The following HUWE1 variants were observed in gnomAD, a reference collection of about 807,000 sequenced individuals.
The protein encoded by HUWE1 is HECT, UBA and WWE domain containing E3 ubiquitin protein ligase 1.
HUWE1 carries 18 observed loss-of-function variants against 299.4 expected under a neutral mutation model. The ratio of observed to expected loss-of-function variants is 0.06; its 90% CI spans 0.04 to 0.09. The LOEUF (loss-of-function observed/expected upper bound fraction) is 0.09. Ranked by LOEUF, HUWE1 falls within the 10% of genes least tolerant of loss-of-function variation. The pLI, the probability that HUWE1 is intolerant of heterozygous loss-of-function variation, is 1.00. For missense variants in HUWE1, 1,832 were observed against 3,462.3 expected (o/e 0.53, Z 11.82); for synonymous variants, 1,317 against 1,286.1 (o/e 1.02, Z -0.51).
chrX:53,615,350 C>A (rs1434337412), intron 22 of HUWE1, among the ~76,000 whole-genome samples: 1 of 109,193 alleles, frequency 9.2e-6, no homozygotes. Flanking sequence ...GCCTCAGCCT[C>A]CAGAGTAGCT....
chrX:53,631,445 G>A lies in HUWE1; in HGVS notation c.731C>T (p.Thr244Ile), dbSNP rs782806297. Residue 244 changes from threonine to isoleucine, a missense_variant, in exon 11 of 84, where the codon ACC becomes ATC. Coordinates refer to ENST00000262854, the MANE Select transcript of HUWE1 (RefSeq NM_031407.7). ...ESPSEIMESL[T>I]KMYSIPKDKQ... ...ATCCTTAGGAATGCTGTACATTTTG[G>A]TAAGAGATTCCATGATTTCAGAAGG... 1 of 1,203,087 alleles carries A rather than the reference G, an allele frequency of 8.3e-7. No individual in the cohort carries two copies. The highest frequency in any genetic ancestry group is 1.1e-6 in the Non-Finnish European group (1 of 888,397).
At chrX:53,606,370 T>C (rs2065153674) in intron 25 of HUWE1, among the ~76,000 whole-genome samples, 1 of 112,441 alleles carries the variant, frequency 8.9e-6, no homozygotes. Context: ...ATGTTCATTA[T>C]CACTATGCAT....
At chrX:53,658,890 TG>T (rs2068870355) in intron 3 of HUWE1, among the ~76,000 whole-genome samples, 1 of 112,686 alleles carries the variant, frequency 8.9e-6, no homozygotes, top group Non-Finnish European at 1.9e-5. Context: ...GATTTAAAAA[TG>T]GGCCAATGGG....
intron 2 of HUWE1, chrX:53,684,131 G>A (rs1404426505): frequency 7.8e-6 from 2 of 256,725 alleles, no homozygotes; most frequent in Non-Finnish European, 1.4e-5. Context: ...GAAGCGAAAA[G>A]CAAATGACGC....
At chrX:53,534,254 G>A (rs376951101) in intron 82 of HUWE1, 57 bp from the exon 83 acceptor site, 34 of 1,009,398 alleles carry the variant, frequency 3.4e-5, no homozygotes, top group South Asian at 2.7e-4. Context: ...GAAGCAGGGT[G>A]GGGGGGATGG....
intron 42 of HUWE1, among the ~76,000 whole-genome samples, chrX:53,581,528 C>G (rs1055161655): frequency 2.7e-5 from 3 of 112,430 alleles, no homozygotes; most frequent in Non-Finnish European, 3.8e-5. Flanking sequence ...TATGCTTCTG[C>G]TCTTCTCATA....
rs963547946 is a variant in HUWE1, at chrX:53,533,169, G to T, written c.*140C>A. 4.7e-5 allele frequency: 23 copies of T among 487,796 alleles called. No homozygotes were observed. The highest frequency in any genetic ancestry group is 4.1e-4 in the African/African-American group (17 of 41,481). 40.2% of individuals were successfully genotyped at this position (487,796 alleles called of 1,213,427 possible). On this transcript the variant is annotated 3_prime_UTR_variant, in exon 84 of 84. Coordinates refer to ENST00000262854, the MANE Select transcript of HUWE1 (RefSeq NM_031407.7). ...GAACAGGTATGCGCTGGGGAAGATG[G>T]GGCAGCTGGGACACACACGGTGAGT...
intron 3 of HUWE1, among the ~76,000 whole-genome samples, chrX:53,655,189 A>G (rs1348928516): frequency 1.8e-5 from 2 of 111,231 alleles, no homozygotes; most frequent in African/African-American, 6.5e-5. Flanking sequence ...AGATTCTGCT[A>G]TTAACAATGT....
At position 53,545,025 on chromosome X, in the gene HUWE1, C is replaced by T. The variant is rs1454953095; in HGVS notation, c.11048+4G>A. The T allele has an allele frequency of 5.0e-6, 6 of 1,208,782 alleles. No individual in the cohort carries two copies. The highest frequency in any genetic ancestry group is 6.7e-6 in the Non-Finnish European group (6 of 894,438). ...CCCCCAGCCAAAGGGTGGCTACCACCCACCTGCTCTGCATTTTGCCCTTCA... is the reference window on the plus strand; with the variant it reads ...CCCCCAGCCAAAGGGTGGCTACCACTCACCTGCTCTGCATTTTGCCCTTCA... On this transcript the variant is annotated splice_donor_region_variant and intron_variant, in intron 71 of 83. Transcript: ENST00000262854.
intron 23 of HUWE1, among the ~76,000 whole-genome samples, chrX:53,613,704 C>A (rs2065626757): frequency 9.0e-6 from 1 of 111,362 alleles, no homozygotes; most frequent in Non-Finnish European, 1.9e-5. Context: ...AATTCCAAAG[C>A]CTTCTACTAA....
At position 53,549,914 on chromosome X, in the gene HUWE1, GACT is replaced by G. The variant is rs1359003323; in HGVS notation, c.9489-412_9489-410del. 2.4e-4 allele frequency among the ~76,000 whole-genome samples: 26 copies of G among 109,996 alleles called. 1 individual carries two copies. Among genetic ancestry groups the G allele is most frequent in the Admixed American group, 2.2e-3 (23 of 10,301 alleles). ...ATTACTAGTGCGCGCCACCACACCC[GACT>G]ACTTTTTGTATTTTTAGTAGAGATT... On this transcript the variant is annotated intron_variant, in intron 66 of 83. Coordinates refer to ENST00000262854, the MANE Select transcript of HUWE1 (RefSeq NM_031407.7).
intron 3 of HUWE1, among the ~76,000 whole-genome samples, chrX:53,670,917 G>C (rs1227313822): frequency 8.9e-6 from 1 of 112,124 alleles, no homozygotes; most frequent in East Asian, 2.7e-4. Flanking sequence ...ATACTCTTCT[G>C]ATTTATCAAG....
At chrX:53,642,781 T>C (rs1201559122) in intron 7 of HUWE1, among the ~76,000 whole-genome samples, 1 of 112,632 alleles carries the variant, frequency 8.9e-6, no homozygotes, top group Non-Finnish European at 1.9e-5. Context: ...GTTCTATAAA[T>C]TGCCTATCCA....
At chrX:53,586,625 G>T in intron 38 of HUWE1, 54 bp from the exon 39 acceptor site, 1 of 1,088,607 alleles carries the variant, frequency 9.2e-7, no homozygotes, top group Non-Finnish European at 1.3e-6. Context: ...CACAAATTGG[G>T]AAAATATATC....
Position 53,631,060 on chromosome X carries a change from T to C in HUWE1, c.763-26A>G, listed in dbSNP as rs782392977. 2.7e-5 allele frequency: 24 copies of C among 895,843 alleles called. No individual in the cohort carries two copies. The Admixed American group carries it at 5.3e-4, about 20-fold the overall frequency. The allele number at this position is 895,843 out of a possible 1,213,427, so 73.8% of individuals were successfully genotyped here. On this transcript the variant is annotated intron_variant, in intron 11 of 83. Transcript: ENST00000262854. ...CTGTAGAGAGATAAGACATACATTT[T>C]AAAAACATCAATGAAAAAGGTGAAT...
At chrX:53,541,589 G>A (rs1556918604) in intron 74 of HUWE1, among the ~76,000 whole-genome samples, 1 of 111,558 alleles carries the variant, frequency 9.0e-6, no homozygotes, top group African/African-American at 3.3e-5. Flanking sequence ...GCTAGACTCT[G>A]TGTCAAAAAA....
At position 53,583,738 on chromosome X, in the gene HUWE1, A is replaced by G; in HGVS notation, c.5340T>C (p.Arg1780=). ...GGTCCCGGGTGAGCCTCAGACAGAG[A>G]CGAAGGGTGGCATGCAAAGTATCTG... The part of the protein sequence containing the change: ...VDPDTLHATL[R]LCLRLTRDHK... Residue 1780 remains arginine (R), a synonymous_variant, in exon 42 of 84, where the codon CGT becomes CGC. Transcript: ENST00000262854. 8.3e-7 allele frequency: 1 copy of G among 1,211,141 alleles called. No individual in the cohort carries two copies. Among genetic ancestry groups the G allele is most frequent in the Non-Finnish European group, 1.1e-6 (1 of 895,368 alleles).
At chrX:53,653,608 T>G (rs2068603195) in intron 4 of HUWE1, among the ~76,000 whole-genome samples, 1 of 112,408 alleles carries the variant, frequency 8.9e-6, no homozygotes, top group Non-Finnish European at 1.9e-5. Context: ...AGCTGAATTG[T>G]GTGATTAAGA....
chrX:53,613,097 G>A (rs917975692), intron 23 of HUWE1, among the ~76,000 whole-genome samples: 11 of 111,175 alleles, frequency 9.9e-5, no homozygotes, highest in African/African-American at 3.3e-4. Flanking sequence ...ACTAAGACTC[G>A]TCTACAAAAA....
Sources: gnomAD v4.1 joint callset for allele counts (sites outside exome capture counted in the v4.1 genomes callset) on GRCh38, gnomAD v4.1.1 for gene constraint, MANE v1.5 for transcripts, NCBI Gene and HGNC (gene_info 2026-07-23, HGNC 2026-07-21) for gene names.